NCOR2: variants seen among roughly 807,000 people sequenced by gnomAD.
The protein encoded by NCOR2 is nuclear receptor corepressor 2.
In NCOR2, 81 loss-of-function variants were observed where a neutral mutation model predicts 262.9. The ratio of observed to expected loss-of-function variants is 0.31; its 90% CI spans 0.26 to 0.37. The LOEUF (loss-of-function observed/expected upper bound fraction) is 0.37, where lower values mean the gene tolerates loss of function less well. Ranked by LOEUF, NCOR2 falls within the 10% of genes least tolerant of loss-of-function variation. NCOR2 has a pLI of 1.00. For synonymous variants in NCOR2, 1,659 were observed against 1,559.3 expected (o/e 1.06, Z -1.51); for missense variants, 3,385 against 3,621.4 (o/e 0.93, Z 1.68).
intron 38 of NCOR2, chr12:124,336,250 AG>A (rs1235912473): frequency 6.0e-6 from 1 of 165,432 alleles, no homozygotes; most frequent in East Asian, 1.9e-4. Flanking sequence ...CACTTCCCCC[AG>A]TCCGACAGCA....
rs369719821 is a variant in NCOR2 at position 124,440,694 on chromosome 12, A to T, written c.816-2698T>A. On this transcript the variant is annotated intron_variant, in intron 7 of 46. Coordinates refer to ENST00000405201, the Ensembl canonical transcript of NCOR2. This position sits in a 1 kb window ranked among gnomAD's most constrained non-coding sequence, Gnocchi z 5.7. ...AGAGGTGACACTGACAATAAGCAAGATGACCAAGATAATCCTGGATTTGGG... is the reference window on the plus strand; with the variant it reads ...AGAGGTGACACTGACAATAAGCAAGTTGACCAAGATAATCCTGGATTTGGG... Among the ~76,000 whole-genome samples, 3 of 152,228 alleles carry T rather than the reference A, an allele frequency of 2.0e-5. No individual in the cohort carries two copies. In the East Asian group the frequency reaches 5.8e-4, roughly 29 times the overall value.
In NCOR2 at chr12:124,447,782, G is replaced by C. The variant is rs867616307; in HGVS notation, c.815+2033C>G. ...TGCAATCACGGCTCACTGCAGCCCT[G>C]AACTCCTGGGCTCAAGCGATTCTCC... On this transcript the variant is annotated intron_variant, in intron 7 of 46. Transcript: ENST00000405201. 1.1e-4 allele frequency among the ~76,000 whole-genome samples: 17 copies of C among 151,420 alleles called. No homozygotes were observed. The South Asian group carries it at 1.3e-3, about 11-fold the overall frequency.
intron 1 of NCOR2, among the ~76,000 whole-genome samples, chr12:124,553,446 TCC>T (rs2051778388): frequency 6.6e-6 from 1 of 152,278 alleles, no homozygotes; most frequent in South Asian, 2.1e-4. Flanking sequence ...TCTAGGGAAC[TCC>T]CAAGGCCCCA....
In NCOR2 at chr12:124,531,450, C is replaced by T. The variant is rs548067935; in HGVS notation, c.-118+4115G>A. On this transcript the variant is annotated intron_variant, in intron 1 of 46. Coordinates refer to the NCOR2 transcript ENST00000404621. The surrounding 1 kb of genome is among the most constrained non-coding windows in gnomAD (Gnocchi z 4.5). ...CCTCTCAGCCCGCCATCACAGGCAC[C>T]ATTAATTGCTGTCATTTGAGGGTGG... Among the ~76,000 whole-genome samples, 124 of 152,196 alleles carry T rather than the reference C, an allele frequency of 8.1e-4. No individual in the cohort carries two copies. The highest frequency in any genetic ancestry group is 2.9e-3 in the African/African-American group (119 of 41,516).
Position 124,531,548 on chromosome 12 carries a change from C to G in NCOR2, c.-118+4017G>C, listed in dbSNP as rs2050775846. On this transcript the variant is annotated intron_variant, in intron 1 of 46. Coordinates refer to the NCOR2 transcript ENST00000404621. This position sits in a 1 kb window ranked among gnomAD's most constrained non-coding sequence, Gnocchi z 4.5. ...GAAGGGGGAGGGGAGGAAGGGATTG[C>G]AGGGAGCCCCCGCCCAGGGCTGAGC... Among the ~76,000 whole-genome samples, 1 of 152,094 alleles carries G rather than the reference C, an allele frequency of 6.6e-6. No homozygotes were observed. The highest frequency in any genetic ancestry group is 2.1e-4 in the South Asian group (1 of 4,828).
At chr12:124,515,636 TG>T (rs2049700757) in intron 1 of NCOR2, among the ~76,000 whole-genome samples, 1 of 116,586 alleles carries the variant, frequency 8.6e-6, no homozygotes, top group African/African-American at 2.8e-5. Context: ...TGTGCACGAC[TG>T]TGAGTGTGCA....
At chr12:124,334,963 C>T (rs189403673) in intron 40 of NCOR2, 172 bp downstream of exon 42, 209 of 963,118 alleles carry the variant, frequency 2.2e-4, no homozygotes, top group African/African-American at 1.7e-3. Flanking sequence ...TGCCGGTGCT[C>T]GGGGCTTTGG....
chr12:124,427,667 G>A (rs1268708906), intron 10 of NCOR2, among the ~76,000 whole-genome samples: 1 of 152,156 alleles, frequency 6.6e-6, no homozygotes, highest in Non-Finnish European at 1.5e-5. Context: ...CAAGAGGCTG[G>A]CATCTGTCTC....
intron 1 of NCOR2, among the ~76,000 whole-genome samples, chr12:124,488,215 A>G (rs942970656): frequency 2.0e-5 from 3 of 152,242 alleles, no homozygotes; most frequent in African/African-American, 7.2e-5. Flanking sequence ...TGCAGACCCA[A>G]CAAAATCAGC....
chr12:124,478,555 T>C (rs1048196559), intron 3 of NCOR2, among the ~76,000 whole-genome samples: 8 of 152,126 alleles, frequency 5.3e-5, no homozygotes, highest in Non-Finnish European at 1.5e-5. Flanking sequence ...ACACAGCAGA[T>C]GCAGAAAACC....
chr12:124,334,999 A>AT, intron 40 of NCOR2, 136 bp downstream of exon 42: 1 of 1,336,930 alleles, frequency 7.5e-7, no homozygotes, highest in Non-Finnish European at 1.1e-6. Flanking sequence ...CACGCCCTGG[A>AT]TCCCCCCAGC....
chr12:124,330,718 C>T, intron 44 of NCOR2, 127 bp downstream of exon 46: 1 of 1,049,452 alleles, frequency 9.5e-7, no homozygotes, highest in Non-Finnish European at 1.4e-6. Flanking sequence ...GCGGTTAGTT[C>T]ATCCCAGAAT....
At chr12:124,509,544 T>C (rs967833672) in intron 1 of NCOR2, among the ~76,000 whole-genome samples, 1 of 152,124 alleles carries the variant, frequency 6.6e-6, no homozygotes, top group African/African-American at 2.4e-5. Flanking sequence ...TCAGATAGGA[T>C]CTCCCTGGAA....
At chr12:124,459,939 C>T (rs879094722) in intron 5 of NCOR2, among the ~76,000 whole-genome samples, 6 of 152,158 alleles carry the variant, frequency 3.9e-5, no homozygotes, top group East Asian at 3.9e-4. Flanking sequence ...TTGCACCTAC[C>T]GTTCCCTGCC....
At chr12:124,367,412 C>T (rs1470609426) in intron 20 of NCOR2, among the ~76,000 whole-genome samples, 1 of 152,140 alleles carries the variant, frequency 6.6e-6, no homozygotes, top group African/African-American at 2.4e-5. Flanking sequence ...AGGCAGCAGC[C>T]AGCACAAGGG....
Sources: gnomAD v4.1 joint callset for allele counts (sites outside exome capture counted in the v4.1 genomes callset) on GRCh38, gnomAD v4.1.1 for gene constraint, Gnocchi (gnomAD v3.1) non-coding constraint, MANE v1.5 for transcripts, NCBI Gene and HGNC (gene_info 2026-07-23, HGNC 2026-07-21) for gene names.